Variants in SYNE2 observed in about 807,000 individuals in gnomAD.
SYNE2 encodes the protein nesprin-2.
Under a neutral mutation model 856.3 loss-of-function variants are expected in SYNE2, and 431 were observed. The ratio of observed to expected loss-of-function variants is 0.50; its 90% CI spans 0.47 to 0.55. SYNE2 has a LOEUF of 0.55. Among genes scored for constraint, SYNE2 ranks in the 20% least tolerant of loss-of-function variants. The pLI is 0.00. For synonymous variants in SYNE2, 2,923 were observed against 2,872.3 expected, an observed-to-expected ratio of 1.02 and a Z score of -0.56; for missense variants, 8,129 against 8,023.2, an observed-to-expected ratio of 1.01 and a Z score of -0.50.
chr14:64,047,760 T>G (rs1473922938), intron 45 of SYNE2, among the ~76,000 whole-genome samples: 1 of 152,174 alleles, frequency 6.6e-6, no homozygotes, highest in Non-Finnish European at 1.5e-5. Flanking sequence ...AGATTTTGCT[T>G]CAGTATACAA....
chr14:64,144,822 G>A (rs2098168037), intron 83 of SYNE2, among the ~76,000 whole-genome samples: 1 of 151,676 alleles, frequency 6.6e-6, no homozygotes, highest in African/African-American at 2.4e-5. Flanking sequence ...GTTCAATTCA[G>A]CATCGTTTAC....
chr14:64,054,919 T>C (rs1345019671), intron 48 of SYNE2, among the ~76,000 whole-genome samples: 2 of 152,246 alleles, frequency 1.3e-5, no homozygotes, highest in Non-Finnish European at 2.9e-5. Flanking sequence ...TGTAAAGTAT[T>C]ATGAACCTAT....
At chr14:64,092,962 T>TC (rs1344056019) in intron 60 of SYNE2, among the ~76,000 whole-genome samples, 2 of 113,122 alleles carry the variant, frequency 1.8e-5, no homozygotes, top group Admixed American at 8.4e-5. Context: ...GCCCCCCCGC[T>TC]CCCCCGGCCA....
At chr14:63,888,602 C>A (rs770366474) in intron 1 of SYNE2, among the ~76,000 whole-genome samples, 3 of 152,200 alleles carry the variant, frequency 2.0e-5, no homozygotes, top group Non-Finnish European at 4.4e-5. Context: ...TACCCTATAT[C>A]CCATCTTGCT....
rs571946680 is a variant in SYNE2, at chr14:63,936,243, G to A, written c.80-4371G>A. ...CTGGGCCAAGCTTTTCTAGGCACTTGGGACATAGCACAGACAAAGCATCTT... is the reference window on the plus strand; with the variant it reads ...CTGGGCCAAGCTTTTCTAGGCACTTAGGACATAGCACAGACAAAGCATCTT... On this transcript the variant is annotated intron_variant, in intron 2 of 115. Transcript: ENST00000555002. Among the ~76,000 whole-genome samples the A allele has an allele frequency of 1.4e-4, 22 of 152,264 alleles. No homozygotes were observed. The South Asian group carries it at 3.9e-3, about 27-fold the overall frequency.
intron 2 of SYNE2, among the ~76,000 whole-genome samples, chr14:63,933,658 A>G (rs940585335): frequency 3.3e-5 from 5 of 152,214 alleles, no homozygotes; most frequent in Non-Finnish European, 4.4e-5. Flanking sequence ...ATTTGCCTGA[A>G]AAATCAAGAT....
At chr14:64,022,717 T>G (rs1567077783) in intron 37 of SYNE2, 34 bp from the exon 38 acceptor site, 1 of 1,118,192 alleles carries the variant, frequency 8.9e-7, no homozygotes. Context: ...GAAGTCTTCC[T>G]TGAATGAATA....
chr14:63,991,227 A>G, intron 21 of SYNE2, 112 bp downstream of exon 21: 1 of 1,117,284 alleles, frequency 9.0e-7, no homozygotes, highest in South Asian at 1.4e-5. Flanking sequence ...TGTAACTTAA[A>G]AAGAATTTCC....
At chr14:63,939,975 G>A (rs771119185) in intron 2 of SYNE2, among the ~76,000 whole-genome samples, 3 of 151,670 alleles carry the variant, frequency 2.0e-5, no homozygotes, top group East Asian at 3.9e-4. Context: ...TTTACTAAAC[G>A]GTTTGGGCTT....
chr14:64,138,837 T>G (rs1252833052), intron 79 of SYNE2, among the ~76,000 whole-genome samples: 1 of 152,040 alleles, frequency 6.6e-6, no homozygotes, highest in Non-Finnish European at 1.5e-5. Flanking sequence ...TTTGAATATT[T>G]TCACTACCTC....
At chr14:63,915,071 G>T (rs1234925069) in intron 2 of SYNE2, among the ~76,000 whole-genome samples, 1 of 152,228 alleles carries the variant, frequency 6.6e-6, no homozygotes, top group Non-Finnish European at 1.5e-5. Context: ...GAGCCACTGT[G>T]CCTGGCCTAT....
rs1212832532 is a variant in SYNE2 at position 64,132,295 on chromosome 14, T to A, written c.14371T>A (p.Leu4791Met). The A allele has an allele frequency of 6.2e-7, 1 of 1,613,930 alleles. No homozygotes were observed. The highest frequency in any genetic ancestry group is 1.1e-5 in the South Asian group (1 of 91,072). ...TTTCCAGAAGCTTGTTGCTGACATG[T>A]TGTTGATCCAAGCATACTCTGCCAA... ...VFFQKLVADM[L>M]LIQAYSAKIL... The change falls in exon 77 of 116, where the codon TTG becomes ATG. Residue 4791 changes from leucine to methionine, a missense_variant. This residue lies in a region of SYNE2 where 5,410 missense variants were observed against 5,284.8 expected (regional missense o/e 1.02). Coordinates refer to ENST00000555002, the MANE Select transcript of SYNE2 (RefSeq NM_182914.3).
intron 7 of SYNE2, among the ~76,000 whole-genome samples, chr14:63,950,998 T>C (rs988311419): frequency 6.6e-6 from 1 of 151,340 alleles, no homozygotes; most frequent in African/African-American, 2.4e-5. Flanking sequence ...GAAGGAAAGT[T>C]AGTGCTCATA....
intron 1 of SYNE2, among the ~76,000 whole-genome samples, chr14:63,835,617 G>A (rs1889828695): frequency 6.6e-6 from 1 of 151,748 alleles, no homozygotes; most frequent in African/African-American, 2.4e-5. Context: ...GAAAGTACAT[G>A]TTAATCTTTG....
At chr14:63,857,733 A>G (rs979576555) in intron 1 of SYNE2, among the ~76,000 whole-genome samples, 1 of 152,160 alleles carries the variant, frequency 6.6e-6, no homozygotes, top group Non-Finnish European at 1.5e-5. Flanking sequence ...ATCATTTCAT[A>G]TGCTTATTTA....
chr14:64,211,504 A>T (rs940861674), intron 103 of SYNE2, among the ~76,000 whole-genome samples: 2 of 152,170 alleles, frequency 1.3e-5, no homozygotes, highest in East Asian at 3.9e-4. Context: ...CTCAATCCTG[A>T]TATCAAGGCT....
intron 9 of SYNE2, among the ~76,000 whole-genome samples, 176 bp from the exon 10 acceptor site, chr14:63,963,723 C>G (rs1254492557): frequency 1.3e-5 from 2 of 152,100 alleles, no homozygotes; most frequent in Admixed American, 1.3e-4. Context: ...ATGCTAGTTT[C>G]AATCTGGTTT....
chr14:63,787,097 G>A (rs754648175), intron 1 of SYNE2, among the ~76,000 whole-genome samples: 3 of 151,958 alleles, frequency 2.0e-5, no homozygotes, highest in Admixed American at 2.0e-4. Flanking sequence ...TTTTGAGCCC[G>A]GGTATACATA....
chr14:64,177,759 C>T (rs111985073), intron 96 of SYNE2, among the ~76,000 whole-genome samples: 5 of 152,296 alleles, frequency 3.3e-5, no homozygotes, highest in African/African-American at 1.2e-4. Context: ...TCTGCTCCTC[C>T]TCTGTAATAT....
Sources: gnomAD v4.1 joint callset for allele counts (sites outside exome capture counted in the v4.1 genomes callset) on GRCh38, gnomAD v4.1.1 for gene constraint, gnomAD v4.1.1 regional missense constraint, MANE v1.5 for transcripts, NCBI Gene and HGNC (gene_info 2026-07-23, HGNC 2026-07-21) for gene names.